Variants in CFDP1 observed in about 807,000 individuals in gnomAD.
CFDP1 encodes chromatin remodeling protein CFDP1.
A neutral mutation model predicts 40.1 loss-of-function variants in CFDP1; 31 were observed. The observed-to-expected ratio is 0.77, with a 90% CI of 0.58 to 1.04. The LOEUF (loss-of-function observed/expected upper bound fraction) is 1.04. Among genes scored for constraint, CFDP1 ranks in the 50% least tolerant of loss-of-function variants. CFDP1 has a pLI of 0.00. For missense variants in CFDP1, 423 were observed against 343.4 expected (o/e 1.23, Z -1.83); for synonymous variants, 167 against 120.0 (o/e 1.39, Z -2.56).
intron 5 of CFDP1, among the ~76,000 whole-genome samples, chr16:75,374,431 T>C (rs142418776): frequency 1.9e-3 from 295 of 152,272 alleles, no homozygotes; most frequent in African/African-American, 6.5e-3. Context: ...AAAACACTTA[T>C]ATGTGAACAG....
At chr16:75,339,194 C>CT (rs1208880987) in intron 5 of CFDP1, among the ~76,000 whole-genome samples, 3 of 151,660 alleles carry the variant, frequency 2.0e-5, no homozygotes, top group Non-Finnish European at 2.9e-5. Flanking sequence ...CTTTCTATCT[C>CT]TTTGTCTTAT....
intron 1 of CFDP1, among the ~76,000 whole-genome samples, chr16:75,430,870 C>T (rs1263621183): frequency 6.6e-6 from 1 of 152,112 alleles, no homozygotes; most frequent in Non-Finnish European, 1.5e-5. Flanking sequence ...ATGTTAATGT[C>T]AGAGACATAC....
intron 5 of CFDP1, among the ~76,000 whole-genome samples, chr16:75,332,798 CTTT>C (rs997878419): frequency 2.2e-5 from 3 of 134,136 alleles, no homozygotes; most frequent in Non-Finnish European, 4.9e-5. Context: ...TATTCATGTT[CTTT>C]TTTTTTTTTT....
intron 1 of CFDP1, among the ~76,000 whole-genome samples, chr16:75,421,374 T>A (rs1404422084): frequency 1.3e-5 from 2 of 152,068 alleles, no homozygotes; most frequent in African/African-American, 4.8e-5. Flanking sequence ...AAGTCCTTCA[T>A]CAGTAAGAGA....
intron 6 of CFDP1, among the ~76,000 whole-genome samples, chr16:75,302,096 G>A (rs1341639923): frequency 6.6e-6 from 1 of 152,192 alleles, no homozygotes; most frequent in Non-Finnish European, 1.5e-5. Context: ...GAGCATAAAG[G>A]AGGATGGTAT....
At chr16:75,396,503 C>T (rs553094440) in intron 4 of CFDP1, among the ~76,000 whole-genome samples, 1 of 103,950 alleles carries the variant, frequency 9.6e-6, no homozygotes, top group Non-Finnish European at 2.3e-5. Flanking sequence ...CACGCCACTG[C>T]ACTTCAGCCT....
At chr16:75,361,686 A>G (rs2078680273) in intron 5 of CFDP1, among the ~76,000 whole-genome samples, 1 of 152,162 alleles carries the variant, frequency 6.6e-6, no homozygotes, top group Admixed American at 6.5e-5. Flanking sequence ...AAAAACTCAA[A>G]GAATTAAAAA....
intron 1 of CFDP1, among the ~76,000 whole-genome samples, chr16:75,431,822 G>T (rs924682244): frequency 2.6e-5 from 4 of 151,552 alleles, no homozygotes; most frequent in Admixed American, 6.6e-5. Flanking sequence ...ATAGACAACA[G>T]AAATATAATA....
intron 5 of CFDP1, among the ~76,000 whole-genome samples, chr16:75,345,561 T>C (rs1345215918): frequency 2.0e-5 from 3 of 152,088 alleles, no homozygotes; most frequent in Admixed American, 1.3e-4. Flanking sequence ...AGGAGGACTG[T>C]TTAAGCCCAG....
chr16:75,413,326 T>C (rs574621042), intron 2 of CFDP1, among the ~76,000 whole-genome samples: 10 of 152,138 alleles, frequency 6.6e-5, no homozygotes, highest in Non-Finnish European at 1.3e-4. Flanking sequence ...CCCAGCACTC[T>C]GGGAGGCCAA....
chr16:75,347,206 T>C (rs138570137), intron 5 of CFDP1, among the ~76,000 whole-genome samples: 26 of 150,654 alleles, frequency 1.7e-4, no homozygotes, highest in African/African-American at 6.1e-4. Flanking sequence ...CAGCTGGGCA[T>C]AATGGCGGGC....
intron 6 of CFDP1, among the ~76,000 whole-genome samples, chr16:75,296,115 T>C (rs79984483): frequency 0.016 from 2,460 of 152,256 alleles, 59 homozygotes; most frequent in African/African-American, 0.053. Context: ...TGCTGTGCTG[T>C]TGTTCACCTG....
At chr16:75,415,554 T>C (rs978003159) in intron 1 of CFDP1, among the ~76,000 whole-genome samples, 2 of 152,156 alleles carry the variant, frequency 1.3e-5, no homozygotes, top group African/African-American at 4.8e-5. Flanking sequence ...AGGGAACCAA[T>C]ATCCTGACTT....
intron 1 of CFDP1, among the ~76,000 whole-genome samples, chr16:75,426,852 G>A (rs1346807398): frequency 4.0e-5 from 6 of 151,878 alleles, no homozygotes; most frequent in Non-Finnish European, 8.8e-5. Flanking sequence ...GTTGGGAGTT[G>A]GAGACCAGCC....
chr16:75,334,528 T>C (rs1412587554), intron 5 of CFDP1, among the ~76,000 whole-genome samples: 4 of 148,890 alleles, frequency 2.7e-5, no homozygotes, highest in Non-Finnish European at 5.9e-5. Flanking sequence ...GTGGAGGAGG[T>C]TTCTATAAAG....
rs546724752 is a variant in CFDP1, at chr16:75,301,536, C to CTT, written c.809+3486_809+3487dup. Among the ~76,000 whole-genome samples, 200 of 53,966 alleles carry CTT rather than the reference C, an allele frequency of 3.7e-3. 9 individuals carry two copies. Among genetic ancestry groups the CTT allele is most frequent in the African/African-American group, 5.7e-3 (83 of 14,506 alleles). The allele number at this position is 53,966 out of a possible 152,430, so 35.4% of individuals were successfully genotyped here. A position where few individuals can be genotyped will look rare whatever the true frequency, so the allele number is the denominator to read the frequency against. On this transcript the variant is annotated intron_variant, in intron 6 of 6. Transcript: ENST00000283882. ...TCTCAACATTAGAGTTTTGTTGTGTCTTTTTTTTTTTTTTTTTTTTTTTTT... is the reference window on the plus strand; with the variant it reads ...TCTCAACATTAGAGTTTTGTTGTGTCTTTTTTTTTTTTTTTTTTTTTTTTTTT...
intron 5 of CFDP1, among the ~76,000 whole-genome samples, chr16:75,318,728 TC>T (rs1260323272): frequency 6.6e-6 from 1 of 152,166 alleles, no homozygotes; most frequent in Non-Finnish European, 1.5e-5. Context: ...AATATCTGCA[TC>T]CTGCTTTTAG....
At chr16:75,343,715 A>AG (rs2078542343) in intron 5 of CFDP1, among the ~76,000 whole-genome samples, 1 of 152,206 alleles carries the variant, frequency 6.6e-6, no homozygotes. Context: ...GTAAACTAAA[A>AG]ATGGTCAATA....
At chr16:75,305,230 CTATAT>C in intron 5 of CFDP1, 48 bp from the exon 6 acceptor site, 12 of 1,583,766 alleles carry the variant, frequency 7.6e-6, no homozygotes, top group Non-Finnish European at 1.0e-5. Context: ...ACTCTGATCT[CTATAT>C]TAACAGTTTT....
Sources: allele counts gnomAD v4.1 joint callset (sites outside exome capture counted in the v4.1 genomes callset), GRCh38; gene constraint gnomAD v4.1.1; transcripts MANE v1.5; gene names NCBI Gene and HGNC (gene_info 2026-07-23, HGNC 2026-07-21).